DMD: variants seen among roughly 807,000 people sequenced by gnomAD.
DMD encodes the protein dystrophin, also known as mutant dystrophin.
In DMD, 63 loss-of-function variants were observed where a neutral mutation model predicts 330.1. That is an observed-to-expected ratio of 0.19 (90% confidence interval 0.16 to 0.24). DMD has a LOEUF of 0.24. DMD is among the 10% of genes least tolerant of loss of function. The probability of loss-of-function intolerance (pLI) is 1.00; values close to 1 mark genes in which losing one functional copy is unlikely to be tolerated. For missense variants in DMD, 3,344 were observed against 2,684.1 expected (o/e 1.25, Z -5.43); for synonymous variants, 1,223 against 959.8 (o/e 1.27, Z -5.07).
intron 44 of DMD, among the ~76,000 whole-genome samples, chrX:32,085,609 T>TATATATACGTATATATATACAC (rs1414839058): frequency 2.6e-5 from 2 of 76,796 alleles, no homozygotes; most frequent in Non-Finnish European, 5.1e-5. Flanking sequence ...TATATGTGTA[T>TATATATACGTATATATATACAC]ATATATACGT....
At chrX:32,032,444 A>ACTT (rs1001772668) in intron 44 of DMD, among the ~76,000 whole-genome samples, 1 of 111,548 alleles carries the variant, frequency 9.0e-6, no homozygotes, top group Non-Finnish European at 1.9e-5. Flanking sequence ...ATATTTTGAT[A>ACTT]CTTTTTAGAT....
chrX:32,192,156 CAAG>C (rs1299788660), intron 44 of DMD, among the ~76,000 whole-genome samples: 3 of 111,745 alleles, frequency 2.7e-5, no homozygotes, highest in Non-Finnish European at 3.8e-5. Flanking sequence ...GTCTGGGCCT[CAAG>C]AAGAATCCCT....
At position 31,816,604 on chromosome X, in the gene DMD, G is replaced by A. The variant is rs768447901; in HGVS notation, c.7309+3371C>T. On this transcript the variant is annotated intron_variant, in intron 50 of 78. Coordinates refer to ENST00000357033, the MANE Select transcript of DMD (RefSeq NM_004006.3). ...ACTTGAGGTCAGGAGTTTAAGACCAGCCTGATCAACATGGAGCAACCCCGT... is the reference window on the plus strand; with the variant it reads ...ACTTGAGGTCAGGAGTTTAAGACCAACCTGATCAACATGGAGCAACCCCGT... Among the ~76,000 whole-genome samples, 21 of 109,786 alleles carry A rather than the reference G, an allele frequency of 1.9e-4. No individual in the cohort carries two copies. In the South Asian group the frequency reaches 8.5e-3, roughly 44 times the overall value.
chrX:31,729,789 G>A (rs750239623), intron 51 of DMD, 41 bp from the exon 52 acceptor site: 8 of 1,032,182 alleles, frequency 7.8e-6, no homozygotes, highest in African/African-American at 1.9e-5. Flanking sequence ...GTTCTTCAGC[G>A]TTGTGTATTC....
At chrX:31,313,034 A>C (rs113869313) in intron 62 of DMD, among the ~76,000 whole-genome samples, 4,180 of 107,478 alleles carry the variant, frequency 0.039, 226 homozygotes, top group African/African-American at 0.14. Flanking sequence ...ATACCTATGT[A>C]ACAAACCTGC....
At chrX:32,948,391 T>C (rs752827401) in intron 2 of DMD, among the ~76,000 whole-genome samples, 1 of 111,647 alleles carries the variant, frequency 9.0e-6, no homozygotes, top group African/African-American at 3.3e-5. Context: ...ACATAACAGA[T>C]TGTACTTGTG....
At chrX:32,674,963 T>C (rs931193267) in intron 9 of DMD, among the ~76,000 whole-genome samples, 2 of 111,799 alleles carry the variant, frequency 1.8e-5, no homozygotes, top group Non-Finnish European at 3.8e-5. Context: ...TAGACTTTAA[T>C]GTTCTTCATC....
At chrX:32,569,608 T>C (rs143584953) in intron 15 of DMD, among the ~76,000 whole-genome samples, 10 of 111,705 alleles carry the variant, frequency 9.0e-5, no homozygotes, top group South Asian at 3.8e-4. Context: ...TTGAGAAGCA[T>C]TGATCCTGTC....
intron 44 of DMD, among the ~76,000 whole-genome samples, chrX:31,975,211 A>C (rs1442561939): frequency 1.8e-5 from 2 of 111,661 alleles, no homozygotes; most frequent in Non-Finnish European, 3.8e-5. Flanking sequence ...TGTTTGATTA[A>C]TGATTTGAAT....
At chrX:31,564,759 T>G (rs1051426922) in intron 55 of DMD, among the ~76,000 whole-genome samples, 5 of 112,093 alleles carry the variant, frequency 4.5e-5, no homozygotes, top group African/African-American at 1.6e-4. Context: ...TAATACAAAG[T>G]ATTTGCATAT....
At chrX:31,789,375 A>G (rs1363999125) in intron 50 of DMD, among the ~76,000 whole-genome samples, 1 of 111,428 alleles carries the variant, frequency 9.0e-6, no homozygotes, top group Non-Finnish European at 1.9e-5. Context: ...CCTAATCCAC[A>G]TTTTGTAATT....
chrX:31,194,166 C>T lies in DMD; in HGVS notation c.9807+9795G>A, dbSNP rs757183830. Among the ~76,000 whole-genome samples, 238 of 110,973 alleles carry T rather than the reference C, an allele frequency of 2.1e-3. 1 individual carries two copies. The highest frequency in any genetic ancestry group is 7.4e-3 in the African/African-American group (227 of 30,504). On this transcript the variant is annotated intron_variant, in intron 67 of 78. Coordinates refer to ENST00000357033, the MANE Select transcript of DMD (RefSeq NM_004006.3). ...CTGCACTCCAGCCTGGGTGACAGAG[C>T]GAGACTCTGTCCCCCTACCAAAAAA...
At chrX:32,490,788 C>T (rs1237473880) in intron 20 of DMD, among the ~76,000 whole-genome samples, 4 of 111,838 alleles carry the variant, frequency 3.6e-5, no homozygotes, top group Non-Finnish European at 7.5e-5. Flanking sequence ...TTAAAAATAT[C>T]TTTTTGTAAA....
intron 44 of DMD, among the ~76,000 whole-genome samples, chrX:32,178,402 A>G (rs1015339330): frequency 9.5e-6 from 1 of 105,396 alleles, no homozygotes; most frequent in East Asian, 2.8e-4. Context: ...TATATAGTGT[A>G]AAATAGTTAC....
rs779517981 is a variant in DMD, at chrX:31,164,549, G to A, written c.10553+4894C>T. Among the ~76,000 whole-genome samples, 33 of 111,204 alleles carry A rather than the reference G, an allele frequency of 3.0e-4. 1 individual carries two copies. The highest frequency in any genetic ancestry group is 9.8e-4 in the African/African-American group (30 of 30,574). On this transcript the variant is annotated intron_variant, in intron 74 of 78. Coordinates refer to ENST00000357033, the MANE Select transcript of DMD (RefSeq NM_004006.3). ...CATACCCTAGTCCCACAGAACTACC[G>A]AATCAAACAGCTCTATCCTCCCCCG...
In DMD at chrX:32,468,498, C is replaced by G. The variant is rs1414538851; in HGVS notation, c.3162G>C (p.Gln1054His). The G allele has an allele frequency of 1.7e-6, 2 of 1,199,730 alleles. No individual in the cohort carries two copies. Among genetic ancestry groups the G allele is most frequent in the African/African-American group, 3.5e-5 (2 of 57,460 alleles). The change falls in exon 23 of 79, where the codon CAG (glutamine) becomes CAC (histidine). Residue 1054 changes from glutamine (Q) to histidine (H), a missense_variant and splice_region_variant. Coordinates refer to ENST00000357033, the MANE Select transcript of DMD (RefSeq NM_004006.3). ...EEQMNKLRKI[Q>H]NHIQTLKKWM... ...GGTAGAAAGTAAAATCTTGAATTAC[C>G]TGAATTTTTCGGAGTTTATTCATTT... is the stretch of plus-strand genomic sequence containing the variant.
chrX:32,891,824 T>A (rs1481606280), intron 2 of DMD, among the ~76,000 whole-genome samples: 1 of 111,600 alleles, frequency 9.0e-6, no homozygotes, highest in Non-Finnish European at 1.9e-5. Context: ...GCCCTACACC[T>A]AGTAGTTGCT....
chrX:31,828,185 A>T (rs767471382), intron 49 of DMD, among the ~76,000 whole-genome samples: 15 of 112,296 alleles, frequency 1.3e-4, no homozygotes, highest in Non-Finnish European at 2.6e-4. Flanking sequence ...GAAAGAAGAG[A>T]GAAGATTCAA....
At chrX:33,135,561 C>T (rs2095522077) in intron 1 of DMD, among the ~76,000 whole-genome samples, 1 of 111,670 alleles carries the variant, frequency 9.0e-6, no homozygotes, top group Non-Finnish European at 1.9e-5. Flanking sequence ...GTTGGAAAAC[C>T]ATATGATATA....
Sources: allele counts gnomAD v4.1 joint callset (sites outside exome capture counted in the v4.1 genomes callset), GRCh38; gene constraint gnomAD v4.1.1; transcripts MANE v1.5; gene names NCBI Gene and HGNC (gene_info 2026-07-23, HGNC 2026-07-21).